Variants in NIPSNAP3B observed in about 807,000 individuals in gnomAD.
NIPSNAP3B encodes protein NipSnap homolog 3B.
NIPSNAP3B carries 30 observed loss-of-function variants against 31.5 expected under a neutral mutation model. That is an observed-to-expected ratio of 0.95 (90% confidence interval 0.71 to 1.29). The LOEUF is 1.29. Ranked by LOEUF, NIPSNAP3B falls within the 50% of genes most tolerant of loss-of-function variation. NIPSNAP3B has a pLI of 0.00. For missense variants in NIPSNAP3B, 269 were observed against 300.7 expected (o/e 0.89, Z 0.78); for synonymous variants, 106 against 107.9 (o/e 0.98, Z 0.11).
At chr9:104,785,542 C>T in the NIPSNAP3B span, 1 of 1,570,082 alleles carries the variant, frequency 6.4e-7, no homozygotes, top group Non-Finnish European at 8.7e-7. Context: ...TCTTTTAGAA[C>T]ACTTCCAGGA....
the NIPSNAP3B span, chr9:104,783,669 A>G: frequency 6.5e-6 from 1 of 153,056 alleles, no homozygotes; most frequent in Non-Finnish European, 1.5e-5. Flanking sequence ...AGAACAGCTT[A>G]TCAGAGGGAA....
intron 3 of NIPSNAP3B, 141 bp from the exon 4 acceptor site, chr9:104,770,708 T>G: frequency 1.7e-6 from 1 of 591,986 alleles, no homozygotes; most frequent in Non-Finnish European, 2.9e-6. Context: ...ATGCAGAGAA[T>G]CAATAAATGT....
At chr9:104,782,956 G>A in the NIPSNAP3B span, 2 of 152,328 alleles carry the variant, frequency 1.3e-5, no homozygotes, top group East Asian at 3.9e-4. Flanking sequence ...CACAGGAAGT[G>A]TACTGAGACT....
At chr9:104,785,296 C>T in the NIPSNAP3B span, 10,228 of 1,487,266 alleles carry the variant, frequency 6.9e-3, 71 homozygotes, top group Non-Finnish European at 8.0e-3. Flanking sequence ...AATTCAAGCA[C>T]CAATTCAAGA....
At chr9:104,784,583 C>T in the NIPSNAP3B span, 1 of 1,117,210 alleles carries the variant, frequency 9.0e-7, no homozygotes. Flanking sequence ...AATGGATTAA[C>T]TAGAAAACTG....
Position 104,773,325 on chromosome 9 carries a change from G to T in NIPSNAP3B, c.*252G>T. ...GTAGTTGTCACTATTTCATCATCTTGGTTTTTCATTTGTTTTAGAATACCT... is the reference window on the plus strand; with the variant it reads ...GTAGTTGTCACTATTTCATCATCTTTGTTTTTCATTTGTTTTAGAATACCT... On this transcript the variant is annotated 3_prime_UTR_variant, in exon 6 of 6. Transcript: ENST00000374762. 6 of 403,088 alleles carry T rather than the reference G, an allele frequency of 1.5e-5. No individual in the cohort carries two copies. Among genetic ancestry groups the T allele is most frequent in the East Asian group, 4.3e-5 (1 of 23,172 alleles). The allele number at this position is 403,088 out of a possible 1,614,324, so 25.0% of individuals were successfully genotyped here. A position where few individuals can be genotyped will look rare whatever the true frequency, so the allele number is the denominator to read the frequency against.
Position 104,766,401 on chromosome 9 carries a change from CT to C in NIPSNAP3B, c.139del (p.Ser47GlnfsTer3). 6.2e-7 allele frequency: 1 copy of C among 1,613,780 alleles called. No homozygotes were observed. The highest frequency in any genetic ancestry group is 8.5e-7 in the Non-Finnish European group (1 of 1,179,738). Reference sequence around the variant, plus strand: ...GAATTTCGTACTTATTACCTTAAACCTTCAAATATGAATGCGTTCATGGAAA... The same window carrying C: ...GAATTTCGTACTTATTACCTTAAACCTCAAATATGAATGCGTTCATGGAAA... ...FYEFRTYYLK[P>X]SNMNAFMENL... On this transcript the variant is annotated frameshift_variant, in exon 2 of 6. Coordinates refer to ENST00000374762, the MANE Select transcript of NIPSNAP3B (RefSeq NM_018376.4). LOFTEE classifies it high-confidence loss of function.
chr9:104,786,794 A>C, the NIPSNAP3B span: 2 of 1,312,154 alleles, frequency 1.5e-6, no homozygotes, highest in Admixed American at 3.4e-5. Context: ...GTATTTTCTA[A>C]TTTTTACAAA....
At chr9:104,786,184 T>A in the NIPSNAP3B span, 1 of 888,370 alleles carries the variant, frequency 1.1e-6, no homozygotes, top group Non-Finnish European at 1.8e-6. Flanking sequence ...TCCACTATAC[T>A]GTTTTGCTCA....
Position 104,774,287 on chromosome 9 carries a change from C to A in NIPSNAP3B, c.*1214C>A, listed in dbSNP as rs1828288167. Among the ~76,000 whole-genome samples, 1 of 152,144 alleles carries A rather than the reference C, an allele frequency of 6.6e-6. No homozygotes were observed. Among genetic ancestry groups the A allele is most frequent in the Non-Finnish European group, 1.5e-5 (1 of 68,022 alleles). On this transcript the variant is annotated 3_prime_UTR_variant, in exon 6 of 6. Transcript: ENST00000374762. ...TTCCTCTCATTTATCAGGCTCTAAG[C>A]GATCTGCAGTTTATCTGGGCTATTA...
At chr9:104,766,593 A>G (rs911746147) in intron 2 of NIPSNAP3B, 58 bp downstream of exon 2, 5 of 1,502,338 alleles carry the variant, frequency 3.3e-6, no homozygotes, top group African/African-American at 2.8e-5. Context: ...TAAATGTAAC[A>G]TAAGACTTAG....
chr9:104,766,588 G>GTA, intron 2 of NIPSNAP3B, 53 bp downstream of exon 2: 1 of 1,519,932 alleles, frequency 6.6e-7, no homozygotes, highest in African/African-American at 1.4e-5. Flanking sequence ...TCTGTTAAAT[G>GTA]TAACATAAGA....
In NIPSNAP3B at chr9:104,774,584, A is replaced by G. The variant is rs555727476; in HGVS notation, c.*1511A>G. ...ATCAATTACCTTTGAGCCTTACTAT[A>G]TTTAAAGGGAAGGGGAAGCTGACAT... On this transcript the variant is annotated 3_prime_UTR_variant, in exon 6 of 6. Transcript: ENST00000374762. 6.6e-6 allele frequency among the ~76,000 whole-genome samples: 1 copy of G among 152,338 alleles called. No homozygotes were observed. The highest frequency in any genetic ancestry group is 2.1e-4 in the South Asian group (1 of 4,830).
rs1486243754 is a variant in NIPSNAP3B, at chr9:104,772,981, T to G, written c.668-16T>G. The G allele has an allele frequency of 2.5e-6, 4 of 1,614,014 alleles. No homozygotes were observed. The highest frequency in any genetic ancestry group is 2.5e-6 in the Non-Finnish European group (3 of 1,179,962). On this transcript the variant is annotated splice_polypyrimidine_tract_variant and intron_variant, in intron 5 of 5. Coordinates refer to ENST00000374762, the MANE Select transcript of NIPSNAP3B (RefSeq NM_018376.4). Reference sequence around the variant, plus strand: ...CAACCAATAACTGTATGCCTTCTTATGAAATGTTTTTCCAGTTCGGGAAAG... The same window carrying G: ...CAACCAATAACTGTATGCCTTCTTAGGAAATGTTTTTCCAGTTCGGGAAAG...
At position 104,766,548 on chromosome 9, in the gene NIPSNAP3B, C is replaced by T; in HGVS notation, c.271+13C>T. The T allele has an allele frequency of 6.2e-7, 1 of 1,604,166 alleles. No homozygotes were observed. The highest frequency in any genetic ancestry group is 8.5e-7 in the Non-Finnish European group (1 of 1,171,950). The stretch of plus-strand genomic sequence containing the variant: ...ATTTGGAAGTATGGTAAAGAGTCAT[C>T]CAGTTTTAGTATTCAGTATAGATTT... On this transcript the variant is annotated intron_variant, in intron 2 of 5. Coordinates refer to ENST00000374762, the MANE Select transcript of NIPSNAP3B (RefSeq NM_018376.4).
chr9:104,785,715 A>T, the NIPSNAP3B span: 128 of 1,591,136 alleles, frequency 8.0e-5, no homozygotes, highest in African/African-American at 1.6e-3. Flanking sequence ...CTGGGAACCC[A>T]ACTTGTGCCA....
chr9:104,788,030 G>C, the NIPSNAP3B span: 35 of 1,614,046 alleles, frequency 2.2e-5, no homozygotes, highest in Non-Finnish European at 3.0e-5. Flanking sequence ...ACGAGGCCCA[G>C]TTTCCGAATC....
At chr9:104,779,389 T>C (rs1239054744), downstream of NIPSNAP3B, among the ~76,000 whole-genome samples, 2 of 152,186 alleles carry the variant, frequency 1.3e-5, no homozygotes, top group African/African-American at 4.8e-5. Flanking sequence ...GTTAAATTAA[T>C]GTATATTGAT....
At chr9:104,784,419 C>T in the NIPSNAP3B span, 5 of 1,613,906 alleles carry the variant, frequency 3.1e-6, no homozygotes, top group African/African-American at 6.7e-5. Context: ...TTTAAGTGGT[C>T]ATCATCACTT....
Sources: gnomAD v4.1 joint callset for allele counts (sites outside exome capture counted in the v4.1 genomes callset) on GRCh38, gnomAD v4.1.1 for gene constraint, MANE v1.5 for transcripts, NCBI Gene and HGNC (gene_info 2026-07-23, HGNC 2026-07-21) for gene names.